HTR4: variants seen among roughly 807,000 people sequenced by gnomAD.
HTR4 encodes 5-hydroxytryptamine (serotonin) receptor 4, G protein-coupled.
A neutral mutation model predicts 36.8 loss-of-function variants in HTR4; 16 were observed. The ratio of observed to expected loss-of-function variants is 0.43; its 90% confidence interval spans 0.29 to 0.66. The LOEUF (loss-of-function observed/expected upper bound fraction) is 0.66, where lower values mean the gene tolerates loss of function less well. HTR4 is among the 30% of genes least tolerant of loss of function. The pLI is 0.13. For synonymous variants in HTR4, 189 were observed against 185.1 expected (o/e 1.02, Z -0.17); for missense variants, 438 against 490.9 (o/e 0.89, Z 1.02).
chr5:148,488,344 G>T (rs932071663), intron 6 of HTR4, among the ~76,000 whole-genome samples: 2 of 152,192 alleles, frequency 1.3e-5, no homozygotes, highest in Non-Finnish European at 2.9e-5. Flanking sequence ...GGTTTAACAA[G>T]TCTCTAATAC....
intron 2 of HTR4, among the ~76,000 whole-genome samples, chr5:148,620,932 C>T (rs1051984627): frequency 2.0e-5 from 3 of 152,208 alleles, no homozygotes; most frequent in South Asian, 2.1e-4. Flanking sequence ...CTCACACCCA[C>T]GTGAGAATAT....
chr5:148,654,211 C>A lies in HTR4; in HGVS notation c.-197G>T. ...CCGCCCCCTCGGGTGCGGGCTCCAG[C>A]CCCCGCGCTGGGGAGCCGGCGAGCG... On this transcript the variant is annotated 5_prime_UTR_variant, in exon 1 of 7. Coordinates refer to ENST00000377888, the MANE Select transcript of HTR4 (RefSeq NM_000870.7). The A allele has an allele frequency of 1.0e-6, 1 of 985,108 alleles. No homozygotes were observed. Among genetic ancestry groups the A allele is most frequent in the Non-Finnish European group, 1.2e-6 (1 of 829,818 alleles). The allele number at this position is 985,108 out of a possible 1,614,324, so 61.0% of individuals were successfully genotyped here. A position where few individuals can be genotyped will look rare whatever the true frequency, so the allele number is the denominator to read the frequency against.
chr5:148,549,685 AT>A (rs1358977828), intron 3 of HTR4, among the ~76,000 whole-genome samples: 1 of 152,220 alleles, frequency 6.6e-6, no homozygotes, highest in Non-Finnish European at 1.5e-5. Context: ...TACATGAGAC[AT>A]ACTAATACCA....
At chr5:148,582,529 A>C (rs1393984133) in intron 2 of HTR4, among the ~76,000 whole-genome samples, 1 of 151,946 alleles carries the variant, frequency 6.6e-6, no homozygotes. Flanking sequence ...CCAGTGTTTA[A>C]CTGCCACTTA....
At chr5:148,563,034 T>C (rs1284360836) in intron 2 of HTR4, among the ~76,000 whole-genome samples, 1 of 152,160 alleles carries the variant, frequency 6.6e-6, no homozygotes, top group Admixed American at 6.5e-5. Context: ...TTGGAACATA[T>C]CACTTCCATA....
intron 4 of HTR4, among the ~76,000 whole-genome samples, chr5:148,532,623 G>T (rs2113815762): frequency 6.6e-6 from 1 of 152,314 alleles, no homozygotes; most frequent in South Asian, 2.1e-4. Context: ...GCTGTAGACA[G>T]CATGGCCAAG....
chr5:148,490,742 C>T, intron 6 of HTR4: 1 of 1,270,612 alleles, frequency 7.9e-7, no homozygotes, highest in South Asian at 1.3e-5. Flanking sequence ...CAATCCATTC[C>T]ATTTTGTGCT....
At chr5:148,556,316 G>A (rs71580500) in intron 2 of HTR4, among the ~76,000 whole-genome samples, 100 of 146,822 alleles carry the variant, frequency 6.8e-4, no homozygotes, top group Non-Finnish European at 1.2e-3. Context: ...GAGCCACCAC[G>A]CCCAGACTTT....
chr5:148,524,459 G>T (rs1282779587), intron 4 of HTR4, among the ~76,000 whole-genome samples: 4 of 152,120 alleles, frequency 2.6e-5, no homozygotes, highest in Non-Finnish European at 5.9e-5. Flanking sequence ...ACTATCTTTT[G>T]ATTCCATGTT....
chr5:148,466,718 GT>G (rs1755440329), intron 5 of HTR4, among the ~76,000 whole-genome samples: 1 of 152,192 alleles, frequency 6.6e-6, no homozygotes, highest in Non-Finnish European at 1.5e-5. Flanking sequence ...AGTAAGTCAT[GT>G]TCATCATATA....
chr5:148,591,989 T>C (rs779793562), intron 2 of HTR4, among the ~76,000 whole-genome samples: 105 of 152,062 alleles, frequency 6.9e-4, no homozygotes, highest in Non-Finnish European at 1.3e-3. Flanking sequence ...ACAACTGAAA[T>C]GTCATCAATG....
intron 2 of HTR4, among the ~76,000 whole-genome samples, chr5:148,619,951 T>C (rs891468674): frequency 2.0e-5 from 3 of 152,218 alleles, no homozygotes; most frequent in Non-Finnish European, 4.4e-5. Flanking sequence ...CTCTGAGGTA[T>C]TTTATGCTAA....
Position 148,482,416 on chromosome 5 carries a change from C to G in HTR4, c.*787G>C, listed in dbSNP as rs199623862. On this transcript the variant is annotated 3_prime_UTR_variant, in exon 7 of 7. Coordinates refer to ENST00000377888, the MANE Select transcript of HTR4 (RefSeq NM_000870.7). ...GAGAGCGAGCATCTCAGGGCAGACA[C>G]GCCAGCGGCCAGGACACCAGGAGGA... 1.9e-5 allele frequency: 19 copies of G among 985,572 alleles called. No homozygotes were observed. The highest frequency in any genetic ancestry group is 2.0e-5 in the Non-Finnish European group (17 of 830,162). The allele number at this position is 985,572 out of a possible 1,614,324, so 61.1% of individuals were successfully genotyped here. A position where few individuals can be genotyped will look rare whatever the true frequency, so the allele number is the denominator to read the frequency against.
intron 2 of HTR4, among the ~76,000 whole-genome samples, chr5:148,584,863 C>A (rs754127316): frequency 4.6e-5 from 7 of 152,174 alleles, no homozygotes; most frequent in African/African-American, 1.7e-4. Flanking sequence ...TCTAGAGCAA[C>A]AGTAGCCACC....
In HTR4 at chr5:148,483,067, A is replaced by G; in HGVS notation, c.*136T>C. The G allele has an allele frequency of 2.0e-6, 3 of 1,486,432 alleles. No individual in the cohort carries two copies. Among genetic ancestry groups the G allele is most frequent in the Non-Finnish European group, 1.8e-6 (2 of 1,112,876 alleles). The allele number at this position is 1,486,432 out of a possible 1,614,324, so 92.1% of individuals were successfully genotyped here. On this transcript the variant is annotated 3_prime_UTR_variant, in exon 7 of 7. Transcript: ENST00000377888. ...GGAATCTCAGAGGAAAAGCCCAGCG[A>G]GCACCGGGTTCCTGCACTGGCGGAC...
intron 2 of HTR4, chr5:148,629,003 T>G (rs1753220920): frequency 6.6e-6 from 1 of 152,138 alleles, no homozygotes; most frequent in Non-Finnish European, 1.5e-5. Context: ...ATTTTTTTTT[T>G]AATTAGGCAA....
intron 2 of HTR4, among the ~76,000 whole-genome samples, chr5:148,572,722 T>C (rs1487914527): frequency 6.6e-6 from 1 of 152,144 alleles, no homozygotes; most frequent in Non-Finnish European, 1.5e-5. Context: ...TTCCTGTCTC[T>C]AGAACCCTTT....
intron 1 of HTR4, among the ~76,000 whole-genome samples, chr5:148,641,940 T>G (rs1753740836): frequency 6.6e-6 from 1 of 152,212 alleles, no homozygotes; most frequent in Non-Finnish European, 1.5e-5. Context: ...CCTACTGGAA[T>G]GAAATATCGA....
intron 2 of HTR4, among the ~76,000 whole-genome samples, chr5:148,631,821 C>T (rs1753333998): frequency 6.6e-6 from 1 of 152,142 alleles, no homozygotes; most frequent in African/African-American, 2.4e-5. Flanking sequence ...AAGCCAACTA[C>T]TCACTTTGTT....
Sources: allele counts gnomAD v4.1 joint callset (sites outside exome capture counted in the v4.1 genomes callset), GRCh38; gene constraint gnomAD v4.1.1; transcripts MANE v1.5; gene names NCBI Gene and HGNC (gene_info 2026-07-23, HGNC 2026-07-21).